The following AGAP1 variants were observed in gnomAD, a reference collection of about 807,000 sequenced individuals.
AGAP1 encodes arf-GAP with GTPase, ANK repeat and PH domain-containing protein 1.
A neutral mutation model predicts 105.3 loss-of-function variants in AGAP1; 29 were observed. The ratio of observed to expected loss-of-function variants is 0.28; its 90% confidence interval spans 0.21 to 0.38. The LOEUF (loss-of-function observed/expected upper bound fraction) is 0.38, where lower values mean the gene tolerates loss of function less well. AGAP1 is among the 10% of genes least tolerant of loss of function. AGAP1 has a pLI of 1.00. For synonymous variants in AGAP1, 509 were observed against 485.9 expected (o/e 1.05, Z -0.63); for missense variants, 998 against 1,165.1 (o/e 0.86, Z 2.09).
intron 13 of AGAP1, among the ~76,000 whole-genome samples, chr2:235,980,674 A>G (rs1400011405): frequency 6.6e-6 from 1 of 152,158 alleles, no homozygotes; most frequent in Non-Finnish European, 1.5e-5. Context: ...TTAATTATCT[A>G]AAGATCTTTT....
intron 2 of AGAP1, among the ~76,000 whole-genome samples, chr2:235,709,936 G>C (rs536745123): frequency 1.3e-5 from 2 of 152,254 alleles, no homozygotes; most frequent in African/African-American, 2.4e-5. Flanking sequence ...TTATGTATCT[G>C]TGTATGTATG....
chr2:236,107,604 C>T (rs772720181), intron 16 of AGAP1, among the ~76,000 whole-genome samples: 1 of 152,210 alleles, frequency 6.6e-6, no homozygotes, highest in Non-Finnish European at 1.5e-5. Context: ...AGTCTCAACC[C>T]GAACCTCAGG....
chr2:235,970,699 T>C lies in AGAP1; in HGVS notation c.1645+2076T>C, dbSNP rs971195555. Among the ~76,000 whole-genome samples, 2 of 152,220 alleles carry C rather than the reference T, an allele frequency of 1.3e-5. No homozygotes were observed. Among genetic ancestry groups the C allele is most frequent in the Admixed American group, 6.5e-5 (1 of 15,288 alleles). ...ACCCACGTGTTGACCGCTGTGTAAA[T>C]GAGTGAATAAATCAGTAGCGTTTCT... On this transcript the variant is annotated intron_variant, in intron 13 of 17. Coordinates refer to ENST00000304032, the MANE Select transcript of AGAP1 (RefSeq NM_001037131.3). This position sits in a 1 kb window ranked among gnomAD's most constrained non-coding sequence, Gnocchi z 5.4.
In AGAP1 at chr2:235,982,324, CAATT is replaced by C. The variant is rs10574865; in HGVS notation, c.1645+13708_1645+13711del. 0.11 allele frequency among the ~76,000 whole-genome samples: 16,501 copies of C among 152,014 alleles called. 2,370 individuals carry two copies. Among genetic ancestry groups the C allele is most frequent in the African/African-American group, 0.33 (13,755 of 41,350 alleles). On this transcript the variant is annotated intron_variant, in intron 13 of 17. Coordinates refer to ENST00000304032, the MANE Select transcript of AGAP1 (RefSeq NM_001037131.3). The surrounding 1 kb of genome is among the most constrained non-coding windows in gnomAD (Gnocchi z 4.9). ...TTAACATATAATTACCTCAACGGGCCAATTAATTAAGCAATTTAAGATCTATAAC... is the reference window on the plus strand; with the variant it reads ...TTAACATATAATTACCTCAACGGGCCAATTAAGCAATTTAAGATCTATAAC...
At chr2:235,795,074 C>T (rs985866656) in intron 6 of AGAP1, among the ~76,000 whole-genome samples, 6 of 152,144 alleles carry the variant, frequency 3.9e-5, no homozygotes, top group African/African-American at 1.2e-4. Context: ...GCAGCTCCCT[C>T]CCGTGACATT....
chr2:235,927,715 C>G lies in AGAP1; in HGVS notation c.1325-3050C>G, dbSNP rs139656856. ...GATGCACTGAAATACTGTCCTCTGC[C>G]TTTTAAAGGAAATTGTTCTGGAAGG... On this transcript the variant is annotated intron_variant, in intron 11 of 17. Coordinates refer to ENST00000304032, the MANE Select transcript of AGAP1 (RefSeq NM_001037131.3). The surrounding 1 kb of genome is among the most constrained non-coding windows in gnomAD (Gnocchi z 4.4). 1.8e-4 allele frequency among the ~76,000 whole-genome samples: 28 copies of G among 152,310 alleles called. No homozygotes were observed. In the East Asian group the frequency reaches 5.2e-3, roughly 28 times the overall value.
At chr2:235,543,309 C>T (rs1023618061) in intron 1 of AGAP1, among the ~76,000 whole-genome samples, 1 of 152,180 alleles carries the variant, frequency 6.6e-6, no homozygotes, top group Non-Finnish European at 1.5e-5. Flanking sequence ...AATGCCTAGT[C>T]GGAAGGTACC....
intron 12 of AGAP1, among the ~76,000 whole-genome samples, chr2:235,942,538 A>G (rs10169369): frequency 0.65 from 97,644 of 151,284 alleles, 33,299 homozygotes; most frequent in African/African-American, 0.88. Context: ...GTAGCCAGGC[A>G]TGGTGGAACA....
At chr2:235,613,030 T>C (rs951762895) in intron 1 of AGAP1, among the ~76,000 whole-genome samples, 1 of 151,810 alleles carries the variant, frequency 6.6e-6, no homozygotes, top group Non-Finnish European at 1.5e-5. Flanking sequence ...AGTTTTGTTT[T>C]TTTTTTTTTT....
Position 235,876,743 on chromosome 2 carries a change from G to C in AGAP1, c.1051-6602G>C, listed in dbSNP as rs151037022. On this transcript the variant is annotated intron_variant, in intron 9 of 17. Transcript: ENST00000304032. The stretch of plus-strand genomic sequence containing the variant: ...CCTCCAGCGTGTTTCTTGCATCTGC[G>C]TTCTCCTTGCCTGCCTTCCTTCTCC... Among the ~76,000 whole-genome samples the C allele has an allele frequency of 5.6e-3, 848 of 152,110 alleles. 2 individuals are homozygous for C. The highest frequency in any genetic ancestry group is 0.014 in the Middle Eastern group (4 of 292).
chr2:235,822,148 C>A (rs1396688054), intron 9 of AGAP1, among the ~76,000 whole-genome samples: 1 of 152,196 alleles, frequency 6.6e-6, no homozygotes, highest in Middle Eastern at 3.2e-3. Context: ...CGGGGAGATA[C>A]TTTGAGGCTG....
intron 10 of AGAP1, among the ~76,000 whole-genome samples, chr2:235,892,241 C>T (rs530664671): frequency 5.3e-5 from 8 of 152,102 alleles, no homozygotes; most frequent in African/African-American, 7.2e-5. Flanking sequence ...TCTCCCTGAC[C>T]TGCAATACTG....
chr2:235,646,270 C>A (rs201892342), intron 1 of AGAP1, among the ~76,000 whole-genome samples: 865 of 112,644 alleles, frequency 7.7e-3, no homozygotes, highest in African/African-American at 8.2e-3. Flanking sequence ...ACTCTGTCTC[C>A]AAAAAAAAAA....
chr2:235,911,725 C>T (rs1402812985), intron 11 of AGAP1, among the ~76,000 whole-genome samples: 1 of 152,214 alleles, frequency 6.6e-6, no homozygotes. Flanking sequence ...CTTTAAGAGC[C>T]CCTGTTGGGC....
intron 1 of AGAP1, among the ~76,000 whole-genome samples, chr2:235,643,687 A>G (rs954245404): frequency 6.6e-6 from 1 of 151,872 alleles, no homozygotes; most frequent in African/African-American, 2.4e-5. Context: ...GCAGGGGCCA[A>G]GTGAGATAAC....
intron 1 of AGAP1, among the ~76,000 whole-genome samples, chr2:235,666,607 C>A (rs1948134599): frequency 1.3e-5 from 2 of 151,240 alleles, no homozygotes; most frequent in Non-Finnish European, 2.9e-5. Context: ...GAAGAGGTTC[C>A]CTGGAAGAGT....
chr2:235,663,172 G>T lies in AGAP1; in HGVS notation c.164-46007G>T, dbSNP rs1007127318. ...CTAAAAATAAAAATTAGCTGGGCATGGTGGTGGGCGCCTGTGATCCCATCT... is the reference window on the plus strand; with the variant it reads ...CTAAAAATAAAAATTAGCTGGGCATTGTGGTGGGCGCCTGTGATCCCATCT... On this transcript the variant is annotated intron_variant, in intron 1 of 17. Coordinates refer to ENST00000304032, the MANE Select transcript of AGAP1 (RefSeq NM_001037131.3). The surrounding 1 kb of genome is among the most constrained non-coding windows in gnomAD (Gnocchi z 5.4). 6.6e-6 allele frequency among the ~76,000 whole-genome samples: 1 copy of T among 152,180 alleles called. No homozygotes were observed. Among genetic ancestry groups the T allele is most frequent in the Non-Finnish European group, 1.5e-5 (1 of 68,026 alleles).
chr2:235,624,097 G>A (rs1050171353), intron 1 of AGAP1, among the ~76,000 whole-genome samples: 2 of 152,222 alleles, frequency 1.3e-5, no homozygotes, highest in Non-Finnish European at 2.9e-5. Context: ...GTGAGACTTT[G>A]TGAAAGGAAA....
chr2:235,933,788 C>T (rs1439648388), intron 12 of AGAP1, among the ~76,000 whole-genome samples: 1 of 152,152 alleles, frequency 6.6e-6, no homozygotes, highest in African/African-American at 2.4e-5. Flanking sequence ...GCCTTGGCCT[C>T]CCAAAGTGCT....
Sources: gnomAD v4.1 joint callset for allele counts (sites outside exome capture counted in the v4.1 genomes callset) on GRCh38, gnomAD v4.1.1 for gene constraint, Gnocchi (gnomAD v3.1) non-coding constraint, MANE v1.5 for transcripts, NCBI Gene and HGNC (gene_info 2026-07-23, HGNC 2026-07-21) for gene names.